The following ESR1 variants were observed in gnomAD, a reference collection of about 807,000 sequenced individuals.
ESR1 encodes the protein estrogen receptor 1, also known as estrogen receptor.
In ESR1, 12 loss-of-function variants were observed where a neutral mutation model predicts 52.7. The ratio of observed to expected loss-of-function variants is 0.23; its 90% CI spans 0.15 to 0.37. The LOEUF is 0.37. ESR1 is among the 10% of genes least tolerant of loss of function. The pLI is 1.00. For synonymous variants in ESR1, 305 were observed against 316.8 expected (o/e 0.96, Z 0.39); for missense variants, 584 against 779.7 (o/e 0.75, Z 2.99).
At position 151,677,496 on chromosome 6, in the gene ESR1, G is replaced by A. The variant is rs181744923; in HGVS notation, n.73+20733G>A. On this transcript the variant is annotated intron_variant and non_coding_transcript_variant, in intron 1 of 2. Coordinates refer to the ESR1 transcript ENST00000473497. ...TTTATTAGTGAGGCTTAGGGTGTCC[G>A]GTTTTTCTTGGCGGAGTAAACATCC... 5.7e-3 allele frequency among the ~76,000 whole-genome samples: 861 copies of A among 152,252 alleles called. 3 individuals carry two copies. The highest frequency in any genetic ancestry group is 0.02 in the African/African-American group (822 of 41,534).
At chr6:151,738,797 C>A (rs1403998237) in intron 2 of ESR1, among the ~76,000 whole-genome samples, 1 of 152,006 alleles carries the variant, frequency 6.6e-6, no homozygotes. Flanking sequence ...GAATTCAATG[C>A]CTGTAGTCAA....
chr6:151,680,566 T>C (rs79543702), intron 1 of ESR1, among the ~76,000 whole-genome samples: 2,814 of 152,240 alleles, frequency 0.018, 86 homozygotes, highest in African/African-American at 0.062. Context: ...TTGTTTCTTT[T>C]ATGAGAGCAC....
chr6:152,026,530 A>G (rs1433606055), intron 5 of ESR1, among the ~76,000 whole-genome samples: 2 of 151,998 alleles, frequency 1.3e-5, no homozygotes, highest in Non-Finnish European at 1.5e-5. Context: ...ATCTGAGAAT[A>G]CTTTTAATAG....
At chr6:152,096,697 C>A (rs930039974) in intron 7 of ESR1, 1 of 455,800 alleles carries the variant, frequency 2.2e-6, no homozygotes, top group Non-Finnish European at 4.4e-6. Flanking sequence ...GAAGGAATCA[C>A]GTCTGTCAGG....
intron 4 of ESR1, among the ~76,000 whole-genome samples, chr6:151,974,226 G>A (rs1037457868): frequency 6.6e-6 from 1 of 152,164 alleles, no homozygotes; most frequent in South Asian, 2.1e-4. Context: ...ATGACACAAT[G>A]ATCTAATTTA....
At chr6:151,832,950 A>C (rs1052571406) in intron 1 of ESR1, among the ~76,000 whole-genome samples, 1 of 152,200 alleles carries the variant, frequency 6.6e-6, no homozygotes, top group Non-Finnish European at 1.5e-5. Flanking sequence ...GGAGATGCAC[A>C]GTGGACACGT....
chr6:151,727,465 G>T (rs565706368), intron 2 of ESR1, among the ~76,000 whole-genome samples: 3 of 152,270 alleles, frequency 2.0e-5, no homozygotes, highest in African/African-American at 7.2e-5. Context: ...GCCTCCCAAA[G>T]TGCTGGGATT....
intron 3 of ESR1, among the ~76,000 whole-genome samples, chr6:151,906,321 TA>T (rs1460219843): frequency 6.6e-6 from 1 of 152,150 alleles, no homozygotes; most frequent in East Asian, 1.9e-4. Context: ...AGACTTTTTT[TA>T]AAAAAGTGTG....
intron 3 of ESR1, among the ~76,000 whole-genome samples, chr6:151,885,901 G>A (rs2128347833): frequency 6.6e-6 from 1 of 152,238 alleles, no homozygotes; most frequent in East Asian, 1.9e-4. Context: ...TACTTAATGA[G>A]TTTGTCATGA....
intron 2 of ESR1, among the ~76,000 whole-genome samples, chr6:151,704,431 G>A (rs117206537): frequency 0.02 from 3,113 of 152,198 alleles, 37 homozygotes; most frequent in East Asian, 0.032. Context: ...TAGAGATAGA[G>A]ACAGGGTTTC....
chr6:151,840,005 C>T (rs762914207), intron 1 of ESR1, among the ~76,000 whole-genome samples: 1 of 152,126 alleles, frequency 6.6e-6, no homozygotes. Context: ...ATTATGTAGG[C>T]GTGGGTGGGA....
chr6:151,723,449 T>C (rs761461349), intron 2 of ESR1, among the ~76,000 whole-genome samples: 2 of 152,188 alleles, frequency 1.3e-5, no homozygotes, highest in African/African-American at 4.8e-5. Flanking sequence ...ATAGCCTTCA[T>C]TTCATTTCTG....
intron 1 of ESR1, among the ~76,000 whole-genome samples, chr6:151,684,400 A>G (rs181729630): frequency 4.6e-5 from 7 of 152,292 alleles, no homozygotes; most frequent in Non-Finnish European, 1.0e-4. Flanking sequence ...TTAATCTTGC[A>G]GTAACACGGT....
intron 1 of ESR1, among the ~76,000 whole-genome samples, chr6:151,691,798 G>A (rs1465219222): frequency 2.0e-5 from 3 of 152,174 alleles, no homozygotes; most frequent in Admixed American, 6.5e-5. Flanking sequence ...AACCATGGAT[G>A]GTTCAGGGTC....
chr6:151,681,806 G>A (rs1020904502), intron 1 of ESR1, among the ~76,000 whole-genome samples: 1 of 152,088 alleles, frequency 6.6e-6, no homozygotes, highest in Non-Finnish European at 1.5e-5. Context: ...TGGGGGAGGC[G>A]GTGCTTTCTG....
chr6:151,910,307 A>G (rs921053418), intron 3 of ESR1, among the ~76,000 whole-genome samples: 8 of 152,144 alleles, frequency 5.3e-5, no homozygotes, highest in African/African-American at 1.4e-4. Context: ...ATTGAACCGA[A>G]CAGATCTAGA....
chr6:151,995,454 A>G (rs1000428003), intron 4 of ESR1, among the ~76,000 whole-genome samples: 2 of 152,128 alleles, frequency 1.3e-5, no homozygotes, highest in African/African-American at 4.8e-5. Flanking sequence ...ATTCTACACA[A>G]TTCTCCTAGG....
intron 6 of ESR1, among the ~76,000 whole-genome samples, chr6:152,088,919 G>C (rs1213563651): frequency 1.3e-5 from 2 of 152,202 alleles, no homozygotes; most frequent in Non-Finnish European, 2.9e-5. Context: ...TATTATAAGT[G>C]TATTGTCAAA....
At chr6:151,808,834 G>A (rs1778314382) in intron 1 of ESR1, among the ~76,000 whole-genome samples, 1 of 152,122 alleles carries the variant, frequency 6.6e-6, no homozygotes, top group Admixed American at 6.6e-5. Flanking sequence ...TTTGTTTAAT[G>A]TGCTCCCCAA....
Sources: gnomAD v4.1 joint callset for allele counts (sites outside exome capture counted in the v4.1 genomes callset) on GRCh38, gnomAD v4.1.1 for gene constraint, MANE v1.5 for transcripts, NCBI Gene and HGNC (gene_info 2026-07-23, HGNC 2026-07-21) for gene names.